Variants in IQCB1 observed in about 807,000 individuals in gnomAD.
IQCB1 encodes IQ calmodulin-binding motif-containing protein 1.
In IQCB1, 56 loss-of-function variants were observed where a neutral mutation model predicts 84.4. The ratio of observed to expected loss-of-function variants is 0.66; its 90% CI spans 0.54 to 0.83. The LOEUF (loss-of-function observed/expected upper bound fraction) is 0.83. Among genes scored for constraint, IQCB1 ranks in the 40% least tolerant of loss-of-function variants. The pLI, the probability that IQCB1 is intolerant of heterozygous loss-of-function variation, is 0.00. For missense variants in IQCB1, 629 were observed against 682.1 expected, an observed-to-expected ratio of 0.92 and a Z score of 0.87; for synonymous variants, 210 against 234.8, an observed-to-expected ratio of 0.89 and a Z score of 0.96.
intron 12 of IQCB1, among the ~76,000 whole-genome samples, chr3:121,785,923 C>T (rs1026435261): frequency 6.6e-6 from 1 of 151,348 alleles, no homozygotes; most frequent in Non-Finnish European, 1.5e-5. Flanking sequence ...AATTCCAGCA[C>T]TTTGGGAGGG....
At chr3:121,788,782 A>T (rs1948839398) in intron 11 of IQCB1, among the ~76,000 whole-genome samples, 1 of 151,270 alleles carries the variant, frequency 6.6e-6, no homozygotes, top group Admixed American at 6.6e-5. Flanking sequence ...AAATGTGTGT[A>T]TGTGTTCTCT....
chr3:121,795,188 A>G (rs1949130362), intron 10 of IQCB1, among the ~76,000 whole-genome samples: 1 of 152,010 alleles, frequency 6.6e-6, no homozygotes, highest in African/African-American at 2.4e-5. Context: ...TATAACTATC[A>G]TTGGCTCCCT....
chr3:121,770,528 G>A lies in IQCB1; in HGVS notation c.1614C>T (p.Phe538=). Residue 538 remains phenylalanine (F), a synonymous_variant, in exon 15 of 15, where the codon TTC becomes TTT. Coordinates refer to ENST00000310864, the MANE Select transcript of IQCB1 (RefSeq NM_001023570.4). ...KEAEGKEPEL[F]LSRSRPVAAK... is the part of the protein sequence containing the mutation. ...CTGCCACAGGCCTGGATCTACTTAGGAAGAGCTCAGGTTCTTTCCCTTCTG... is the reference window on the plus strand; with the variant it reads ...CTGCCACAGGCCTGGATCTACTTAGAAAGAGCTCAGGTTCTTTCCCTTCTG... 7.4e-6 allele frequency: 12 copies of A among 1,614,150 alleles called. No homozygotes were observed. Among genetic ancestry groups the A allele is most frequent in the Non-Finnish European group, 1.0e-5 (12 of 1,180,040 alleles).
intron 7 of IQCB1, among the ~76,000 whole-genome samples, chr3:121,803,605 G>A (rs1327753495): frequency 6.6e-6 from 1 of 152,128 alleles, no homozygotes; most frequent in Non-Finnish European, 1.5e-5. Context: ...TCTCCTTGTA[G>A]TTCTTGTCAA....
chr3:121,778,122 G>C (rs1948305555), intron 13 of IQCB1, among the ~76,000 whole-genome samples: 1 of 152,004 alleles, frequency 6.6e-6, no homozygotes, highest in African/African-American at 2.4e-5. Context: ...TGCCTAAGCT[G>C]GTCTCGAATT....
rs1015789052 is a variant in IQCB1 at position 121,828,390 on chromosome 3, G to C, written c.263+80C>G. ...GGAGGTTGCCAATGCTTGTTAGGCA[G>C]ATAAATAAAAAGCAAATGTTGAAAA... On this transcript the variant is annotated intron_variant, in intron 4 of 14. Transcript: ENST00000310864. The C allele has an allele frequency of 7.9e-6, 10 of 1,267,964 alleles. No individual in the cohort carries two copies. In the East Asian group the frequency reaches 2.3e-4, roughly 30 times the overall value. 78.5% of individuals were successfully genotyped at this position (1,267,964 alleles called of 1,614,324 possible).
At chr3:121,808,161 T>C (rs898121144) in intron 6 of IQCB1, among the ~76,000 whole-genome samples, 1 of 151,964 alleles carries the variant, frequency 6.6e-6, no homozygotes, top group Non-Finnish European at 1.5e-5. Context: ...CTGAACGTAG[T>C]TGCCTTTGGA....
At chr3:121,829,182 G>GT (rs777680707) in intron 2 of IQCB1, among the ~76,000 whole-genome samples, 18 of 152,156 alleles carry the variant, frequency 1.2e-4, no homozygotes, top group Non-Finnish European at 2.6e-4. Context: ...TACCTCACAT[G>GT]TAACAGCTAT....
intron 13 of IQCB1, among the ~76,000 whole-genome samples, chr3:121,779,172 GTAC>G (rs755344470): frequency 4.3e-4 from 66 of 152,030 alleles, no homozygotes; most frequent in Admixed American, 7.9e-4. Flanking sequence ...TTTTTTCCAT[GTAC>G]CTTAACTGGT....
chr3:121,828,432 C>T (rs1950526627), intron 4 of IQCB1, 38 bp downstream of exon 4: 2 of 1,564,778 alleles, frequency 1.3e-6, no homozygotes, highest in East Asian at 4.5e-5. Context: ...TCAACTACTA[C>T]ATCCCTCAAG....
intron 5 of IQCB1, among the ~76,000 whole-genome samples, chr3:121,824,040 G>T (rs1950366052): frequency 6.6e-6 from 1 of 152,108 alleles, no homozygotes; most frequent in South Asian, 2.1e-4. Flanking sequence ...ACAACAGCTT[G>T]TCAGACTAGA....
At chr3:121,774,238 A>G (rs1468821929) in intron 13 of IQCB1, among the ~76,000 whole-genome samples, 1 of 152,204 alleles carries the variant, frequency 6.6e-6, no homozygotes. Flanking sequence ...ACAACTTCAT[A>G]TCTATTAGCT....
At position 121,788,277 on chromosome 3, in the gene IQCB1, G is replaced by T. The variant is rs112780863; in HGVS notation, c.1278+7C>A. ...ATTCAGAGCTCTTTTCACTACATTA[G>T]ACTCACTGCTCTTTGAAGTGTGACA... is the stretch of plus-strand genomic sequence containing the variant. On this transcript the variant is annotated splice_region_variant and intron_variant, in intron 12 of 14. Transcript: ENST00000310864. The T allele has an allele frequency of 1.2e-6, 2 of 1,613,326 alleles. No individual in the cohort carries two copies. The highest frequency in any genetic ancestry group is 1.7e-6 in the Non-Finnish European group (2 of 1,179,584).
chr3:121,772,194 T>A (rs1231468762), intron 14 of IQCB1, among the ~76,000 whole-genome samples: 2 of 151,976 alleles, frequency 1.3e-5, no homozygotes, highest in Admixed American at 6.6e-5. Context: ...TAAAAAAAAA[T>A]TTATAAAATG....
At position 121,826,141 on chromosome 3, in the gene IQCB1, C is replaced by T; in HGVS notation, c.303G>A (p.Glu101=). 6.2e-7 allele frequency: 1 copy of T among 1,613,564 alleles called. No homozygotes were observed. Among genetic ancestry groups the T allele is most frequent in the African/African-American group, 1.3e-5 (1 of 75,024 alleles). ...CVGLEPGEDA[E]EFYNELLPSA... ...ATGGAAGTAATTCATTGTAAAATTCCTCTGCATCTTCTCCTGGCTCCAAGC... is the reference window on the plus strand; with the variant it reads ...ATGGAAGTAATTCATTGTAAAATTCTTCTGCATCTTCTCCTGGCTCCAAGC... The change falls in exon 5 of 15, where the codon GAG becomes GAA. Residue 101 remains glutamate, a synonymous_variant. Coordinates refer to ENST00000310864, the MANE Select transcript of IQCB1 (RefSeq NM_001023570.4).
intron 6 of IQCB1, 28 bp from the exon 7 acceptor site, chr3:121,807,471 TTAAAG>T (rs745435545): frequency 3.6e-6 from 4 of 1,110,534 alleles, no homozygotes; most frequent in Admixed American, 3.4e-5. Flanking sequence ...AAAAGAAAGA[TTAAAG>T]TAAAGATTTT....
Position 121,835,056 on chromosome 3 carries a change from G to C in IQCB1, c.-192C>G. The C allele has an allele frequency of 1.7e-6, 1 of 575,966 alleles. No homozygotes were observed. Among genetic ancestry groups the C allele is most frequent in the Non-Finnish European group, 3.1e-6 (1 of 321,474 alleles). The allele number at this position is 575,966 out of a possible 1,614,324, so 35.7% of individuals were successfully genotyped here. A position where few individuals can be genotyped will look rare whatever the true frequency, so the allele number is the denominator to read the frequency against. ...GGCCTTCCGGGGCAGCGTGCGTCGCGACGCGGGAAGGGGCCTGGAGGCGGG... is the reference window on the plus strand; with the variant it reads ...GGCCTTCCGGGGCAGCGTGCGTCGCCACGCGGGAAGGGGCCTGGAGGCGGG... On this transcript the variant is annotated 5_prime_UTR_variant, in exon 1 of 15. Transcript: ENST00000310864.
chr3:121,781,712 G>A, intron 13 of IQCB1, 31 bp downstream of exon 13: 1 of 1,591,972 alleles, frequency 6.3e-7, no homozygotes, highest in African/African-American at 1.3e-5. Context: ...TTGGAATAAT[G>A]TAATACTGAT....
At chr3:121,808,067 G>C (rs1419880144) in intron 6 of IQCB1, among the ~76,000 whole-genome samples, 4 of 151,832 alleles carry the variant, frequency 2.6e-5, no homozygotes, top group Admixed American at 2.6e-4. Flanking sequence ...CCTAGAACAG[G>C]GAACATTTCT....
Sources: allele counts gnomAD v4.1 joint callset (sites outside exome capture counted in the v4.1 genomes callset), GRCh38; gene constraint gnomAD v4.1.1; transcripts MANE v1.5; gene names NCBI Gene and HGNC (gene_info 2026-07-23, HGNC 2026-07-21).